SAR1B: variants seen among roughly 807,000 people sequenced by gnomAD.
The protein encoded by SAR1B is secretion associated Ras related GTPase 1B, also known as small COPII coat GTPase SAR1B.
A neutral mutation model predicts 26.8 loss-of-function variants in SAR1B; 23 were observed. The observed-to-expected ratio is 0.86, with a 90% CI of 0.62 to 1.22. The LOEUF (loss-of-function observed/expected upper bound fraction) is 1.22, where lower values mean the gene tolerates loss of function less well. SAR1B is among the 50% of genes most tolerant of loss of function. The pLI, the probability that SAR1B is intolerant of heterozygous loss-of-function variation, is 0.00. For missense variants in SAR1B, 196 were observed against 232.8 expected, an observed-to-expected ratio of 0.84 and a Z score of 1.03; for synonymous variants, 65 against 80.8, an observed-to-expected ratio of 0.80 and a Z score of 1.05.
intron 3 of SAR1B, among the ~76,000 whole-genome samples, chr5:134,620,521 G>T (rs890375775): frequency 1.2e-4 from 18 of 152,118 alleles, no homozygotes; most frequent in African/African-American, 3.9e-4. Flanking sequence ...TTTAGGAACA[G>T]GTCAAATCAC....
chr5:134,625,372 G>A (rs541490165), intron 1 of SAR1B, among the ~76,000 whole-genome samples: 2 of 152,210 alleles, frequency 1.3e-5, no homozygotes, highest in African/African-American at 4.8e-5. Flanking sequence ...GAATAGAAAT[G>A]AAAAAGGACA....
chr5:134,621,452 G>A (rs974546925), intron 2 of SAR1B, among the ~76,000 whole-genome samples: 7 of 149,866 alleles, frequency 4.7e-5, no homozygotes, highest in African/African-American at 1.2e-4. Flanking sequence ...CAGCCTGGGC[G>A]ACAAAGTGAG....
At chr5:134,630,001 A>G (rs1240716481) in intron 1 of SAR1B, among the ~76,000 whole-genome samples, 1 of 152,100 alleles carries the variant, frequency 6.6e-6, no homozygotes, top group African/African-American at 2.4e-5. Context: ...AGTGGCTCAT[A>G]TCTGTAATCT....
At chr5:134,628,720 T>C (rs1373339927) in intron 1 of SAR1B, among the ~76,000 whole-genome samples, 1 of 151,840 alleles carries the variant, frequency 6.6e-6, no homozygotes, top group East Asian at 1.9e-4. Context: ...AGTGGCACAA[T>C]CTTGGCTCAC....
At chr5:134,610,566 CAAAAAAAAAAAAA>C (rs55682339) in intron 4 of SAR1B, among the ~76,000 whole-genome samples, 6 of 39,028 alleles carry the variant, frequency 1.5e-4, no homozygotes, top group South Asian at 1.4e-3. Context: ...GACTCCGTCT[CAAAAAAAAAAAAA>C]AAAAAAAAAA....
chr5:134,612,775 T>C lies in SAR1B; in HGVS notation c.179-19A>G. The C allele has an allele frequency of 6.4e-7, 1 of 1,574,312 alleles. No individual in the cohort carries two copies. Among genetic ancestry groups the C allele is most frequent in the Admixed American group, 1.8e-5 (1 of 55,872 alleles). ...TCGGAAGCTAAATAAGATTTTAAAA[T>C]ATTTTTACATGAAAATTAGAAACCC... On this transcript the variant is annotated intron_variant, in intron 3 of 6. Transcript: ENST00000402673.
rs1386834109 is a variant in SAR1B, at chr5:134,604,305, A to G, written c.*2645T>C. The G allele has an allele frequency of 1.3e-5, 2 of 152,222 alleles. No homozygotes were observed. Among genetic ancestry groups the G allele is most frequent in the Non-Finnish European group, 2.9e-5 (2 of 68,044 alleles). 9.4% of individuals were successfully genotyped at this position (152,222 alleles called of 1,614,324 possible). ...TGTTAACTACGCCCTAGCATCTTGCAGTGTGGGACACACAATTAGCCTATG... is the reference window on the plus strand; with the variant it reads ...TGTTAACTACGCCCTAGCATCTTGCGGTGTGGGACACACAATTAGCCTATG... On this transcript the variant is annotated 3_prime_UTR_variant, in exon 7 of 7. Transcript: ENST00000402673.
At position 134,616,981 on chromosome 5, in the gene SAR1B, C is replaced by T. The variant is rs147053050; in HGVS notation, c.178+3952G>A. ...GTATGGTGGCTCACACTTGTAATCCCAGCACTTTGGGAGGCTGGATGGGAG... is the reference window on the plus strand; with the variant it reads ...GTATGGTGGCTCACACTTGTAATCCTAGCACTTTGGGAGGCTGGATGGGAG... On this transcript the variant is annotated intron_variant, in intron 3 of 6. Coordinates refer to ENST00000402673, the MANE Select transcript of SAR1B (RefSeq NM_016103.4). Among the ~76,000 whole-genome samples the T allele has an allele frequency of 3.4e-3, 515 of 152,230 alleles. 1 individual carries two copies. Among genetic ancestry groups the T allele is most frequent in the Non-Finnish European group, 5.7e-3 (386 of 68,030 alleles).
At chr5:134,620,816 T>C in intron 3 of SAR1B, 117 bp downstream of exon 3, 1 of 1,185,960 alleles carries the variant, frequency 8.4e-7, no homozygotes. Context: ...ATCATACCAC[T>C]GCATTGCAGC....
Position 134,607,048 on chromosome 5 carries a change from C to A in SAR1B, c.499G>T (p.Glu167Ter), listed in dbSNP as rs1765140550. 16 of 1,611,910 alleles carry A rather than the reference C, an allele frequency of 9.9e-6. No individual in the cohort carries two copies. The highest frequency in any genetic ancestry group is 1.4e-5 in the Non-Finnish European group (16 of 1,178,006). The change falls in exon 7 of 7, where the codon GAA becomes TAA. Residue 167 changes from glutamate to a stop codon, truncating the protein, a stop_gained. Transcript: ENST00000402673. LOFTEE classifies it high-confidence loss of function. ...ACTTCTAAGGGTCGGGCATTCAGTT[C>A]TTTCAGAGATATACTCCCCTAGAAT... is the stretch of plus-strand genomic sequence containing the variant. ...TTGKGSISLK[E>*]LNARPLEVFM...
intron 4 of SAR1B, among the ~76,000 whole-genome samples, chr5:134,610,090 A>T (rs1042436521): frequency 6.6e-6 from 1 of 151,852 alleles, no homozygotes; most frequent in African/African-American, 2.4e-5. Flanking sequence ...TCATTTTTTG[A>T]CATTTCTAGT....
At chr5:134,617,661 T>G (rs1057142543) in intron 3 of SAR1B, among the ~76,000 whole-genome samples, 7 of 152,050 alleles carry the variant, frequency 4.6e-5, no homozygotes, top group Admixed American at 2.6e-4. Context: ...GTTATGCTGG[T>G]TTTTGTTGGG....
intron 4 of SAR1B, 89 bp from the exon 5 acceptor site, chr5:134,609,763 G>A (rs574036522): frequency 2.2e-4 from 213 of 955,096 alleles, no homozygotes; most frequent in African/African-American, 8.1e-4. Context: ...TATCAAGTGC[G>A]GTAATCCCTT....
At position 134,602,412 on chromosome 5, in the gene SAR1B, G is replaced by A. The variant is rs960530031; in HGVS notation, c.*4538C>T. ...CCAGGTGTTGGGTGGGGATTTGTGA[G>A]GGGGAATGGTAACAGGGTTCAGAAG... On this transcript the variant is annotated 3_prime_UTR_variant, in exon 7 of 7. Coordinates refer to ENST00000402673, the MANE Select transcript of SAR1B (RefSeq NM_016103.4). The A allele has an allele frequency of 2.6e-5, 4 of 152,314 alleles. 1 individual carries two copies. The highest frequency in any genetic ancestry group is 6.8e-3 in the Middle Eastern group (2 of 294). 9.4% of individuals were successfully genotyped at this position (152,314 alleles called of 1,614,324 possible). A position where few individuals can be genotyped will look rare whatever the true frequency, so the allele number is the denominator to read the frequency against.
Position 134,607,052 on chromosome 5 carries a change from C to T in SAR1B, c.495G>A (p.Leu165=). ...GQTTGKGSIS[L]KELNARPLEV... The stretch of plus-strand genomic sequence containing the variant: ...CTAAGGGTCGGGCATTCAGTTCTTT[C>T]AGAGATATACTCCCCTAGAATAGAA... The change falls in exon 7 of 7, where the codon CTG becomes CTA. Residue 165 remains leucine (L), a synonymous_variant. Transcript: ENST00000402673. 1 of 1,604,234 alleles carries T rather than the reference C, an allele frequency of 6.2e-7. No individual in the cohort carries two copies. The highest frequency in any genetic ancestry group is 8.5e-7 in the Non-Finnish European group (1 of 1,170,970).
chr5:134,626,298 C>CAAAAAAAAAAA (rs35668627), intron 1 of SAR1B, among the ~76,000 whole-genome samples: 1 of 53,114 alleles, frequency 1.9e-5, no homozygotes, highest in African/African-American at 6.1e-5. Context: ...GACTCTGCCT[C>CAAAAAAAAAAA]AAAAAAAAAA....
chr5:134,611,236 C>T (rs1432581075), intron 4 of SAR1B, among the ~76,000 whole-genome samples: 9 of 152,148 alleles, frequency 5.9e-5, no homozygotes. Flanking sequence ...TTCTAATCAT[C>T]GTATTCCAGA....
chr5:134,627,273 G>A (rs1765508785), intron 1 of SAR1B, among the ~76,000 whole-genome samples: 1 of 151,490 alleles, frequency 6.6e-6, no homozygotes, highest in African/African-American at 2.4e-5. Context: ...GGATGGTCTC[G>A]ATCTCCTGAC....
At chr5:134,613,808 C>T (rs1765260701) in intron 3 of SAR1B, 1 of 152,080 alleles carries the variant, frequency 6.6e-6, no homozygotes, top group African/African-American at 2.4e-5. Flanking sequence ...CTTTCTCCTC[C>T]CTTCCACTTC....
Sources: gnomAD v4.1 joint callset for allele counts (sites outside exome capture counted in the v4.1 genomes callset) on GRCh38, gnomAD v4.1.1 for gene constraint, MANE v1.5 for transcripts, NCBI Gene and HGNC (gene_info 2026-07-23, HGNC 2026-07-21) for gene names.